Variants in SUPT3H observed in about 807,000 individuals in gnomAD.
The protein encoded by SUPT3H is transcription initiation protein SPT3 homolog.
A neutral mutation model predicts 44.3 loss-of-function variants in SUPT3H; 44 were observed. That is an observed-to-expected ratio of 0.99 (90% confidence interval 0.78 to 1.28). The LOEUF (loss-of-function observed/expected upper bound fraction) is 1.28. SUPT3H is among the 50% of genes most tolerant of loss of function. SUPT3H has a pLI of 0.00. For missense variants in SUPT3H, 380 were observed against 387.1 expected, an observed-to-expected ratio of 0.98 and a Z score of 0.15; for synonymous variants, 124 against 125.6, an observed-to-expected ratio of 0.99 and a Z score of 0.09.
intron 2 of SUPT3H, among the ~76,000 whole-genome samples, chr6:45,358,829 T>TA (rs1793720796): frequency 6.6e-6 from 1 of 151,972 alleles, no homozygotes; most frequent in African/African-American, 2.4e-5. Context: ...ACTCTAAAAA[T>TA]AAAAAAAGAC....
chr6:44,990,253 G>T (rs1780427893), intron 6 of SUPT3H, among the ~76,000 whole-genome samples: 1 of 151,608 alleles, frequency 6.6e-6, no homozygotes, highest in Admixed American at 6.6e-5. Flanking sequence ...TTTCCCCATT[G>T]TGCATTCTTG....
At chr6:44,871,179 T>C (rs928128287) in intron 10 of SUPT3H, among the ~76,000 whole-genome samples, 7 of 149,360 alleles carry the variant, frequency 4.7e-5, no homozygotes, top group African/African-American at 1.5e-4. Flanking sequence ...CTATGTAGGC[T>C]CCACCTCTGG....
intron 7 of SUPT3H, among the ~76,000 whole-genome samples, chr6:44,956,204 G>C (rs1330239920): frequency 2.0e-5 from 3 of 151,344 alleles, no homozygotes; most frequent in Non-Finnish European, 4.4e-5. Flanking sequence ...AAGTGTCTAG[G>C]TCGGGCGCGG....
intron 2 of SUPT3H, among the ~76,000 whole-genome samples, chr6:45,176,723 G>T (rs1443760738): frequency 6.6e-6 from 1 of 152,204 alleles, no homozygotes; most frequent in Non-Finnish European, 1.5e-5. Context: ...CCCAGCTGGA[G>T]ATCTGAGAAC....
chr6:44,889,165 C>A (rs901374826), intron 10 of SUPT3H, among the ~76,000 whole-genome samples: 6 of 152,062 alleles, frequency 3.9e-5, no homozygotes, highest in African/African-American at 1.4e-4. Context: ...TAGGAAGAAT[C>A]AATATTGTGA....
intron 9 of SUPT3H, among the ~76,000 whole-genome samples, chr6:44,944,593 T>C (rs973673016): frequency 2.7e-5 from 4 of 149,782 alleles, no homozygotes; most frequent in Non-Finnish European, 5.9e-5. Context: ...ACCCTGTCTC[T>C]ACAAAAAAAA....
intron 3 of SUPT3H, among the ~76,000 whole-genome samples, chr6:45,029,552 T>C (rs1183972673): frequency 1.3e-5 from 2 of 151,982 alleles, no homozygotes; most frequent in Non-Finnish European, 2.9e-5. Context: ...AATGTGAAAT[T>C]AGGAGAACAA....
At chr6:45,362,054 A>AAACAACAAC (rs375160471) in intron 2 of SUPT3H, among the ~76,000 whole-genome samples, 1 of 151,938 alleles carries the variant, frequency 6.6e-6, no homozygotes, top group Admixed American at 6.6e-5. Flanking sequence ...TTCCTCTCAA[A>AAACAACAAC]AACAACAACA....
chr6:45,209,759 T>C (rs1763785625), intron 2 of SUPT3H, among the ~76,000 whole-genome samples: 2 of 152,228 alleles, frequency 1.3e-5, no homozygotes, highest in African/African-American at 2.4e-5. Context: ...TGAGAGAAGT[T>C]CTGCTGTGGG....
At chr6:44,909,507 C>G (rs1020154063) in intron 10 of SUPT3H, among the ~76,000 whole-genome samples, 1 of 152,156 alleles carries the variant, frequency 6.6e-6, no homozygotes, top group African/African-American at 2.4e-5. Context: ...CACACTTATC[C>G]TATAAAATGC....
intron 6 of SUPT3H, among the ~76,000 whole-genome samples, chr6:44,979,233 A>G (rs1778761697): frequency 6.6e-6 from 1 of 152,188 alleles, no homozygotes; most frequent in Non-Finnish European, 1.5e-5. Context: ...AAGTCGCAGA[A>G]CGAATATTTT....
chr6:44,909,384 T>C lies in SUPT3H; in HGVS notation c.912+23269A>G, dbSNP rs538560139. ...TACTTTTCAAGAAATTTCCTGGCTCTTCTTATATATTTCATTTTCTATATG... is the reference window on the plus strand; with the variant it reads ...TACTTTTCAAGAAATTTCCTGGCTCCTCTTATATATTTCATTTTCTATATG... On this transcript the variant is annotated intron_variant, in intron 10 of 10. Coordinates refer to ENST00000371459, the MANE Select transcript of SUPT3H (RefSeq NM_003599.4). 9.3e-4 allele frequency among the ~76,000 whole-genome samples: 141 copies of C among 152,276 alleles called. No individual in the cohort carries two copies. In the Middle Eastern group the frequency reaches 0.01, roughly 11 times the overall value.
At chr6:45,106,735 C>T (rs529790288) in intron 2 of SUPT3H, among the ~76,000 whole-genome samples, 122 of 152,198 alleles carry the variant, frequency 8.0e-4, no homozygotes, top group Non-Finnish European at 1.4e-3. Flanking sequence ...AGGGTTTCAC[C>T]ATGTTAGCCA....
At chr6:45,328,492 A>T (rs377010342) in intron 2 of SUPT3H, 47 of 1,515,354 alleles carry the variant, frequency 3.1e-5, no homozygotes, top group Non-Finnish European at 3.9e-5. Context: ...TCTATGCAGT[A>T]ATAGTAGGTC....
chr6:45,284,307 T>TG (rs1446177916), intron 2 of SUPT3H, among the ~76,000 whole-genome samples: 2 of 147,932 alleles, frequency 1.4e-5, no homozygotes, highest in Non-Finnish European at 3.0e-5. Flanking sequence ...ATCCAGGAGC[T>TG]GGTTTTTTTT....
At chr6:44,888,583 T>C (rs148629943) in intron 10 of SUPT3H, among the ~76,000 whole-genome samples, 3 of 152,088 alleles carry the variant, frequency 2.0e-5, no homozygotes, top group Non-Finnish European at 1.5e-5. Flanking sequence ...TGCTAAAAAC[T>C]CTCAATAAAT....
At chr6:44,933,150 T>C (rs566584833) in intron 9 of SUPT3H, among the ~76,000 whole-genome samples, 5 of 152,308 alleles carry the variant, frequency 3.3e-5, no homozygotes, top group Middle Eastern at 3.4e-3. Context: ...AGGAGCTTCT[T>C]TGGCACATTT....
In SUPT3H at chr6:45,050,508, GGAAA is replaced by G. The variant is rs560761403; in HGVS notation, c.187-29880_187-29877del. ...AGGAAATTTTCATGGGGGCGGGCAG[GGAAA>G]GAGAGGGAGGCACAATAATCATTTG... is the stretch of plus-strand genomic sequence containing the variant. On this transcript the variant is annotated intron_variant, in intron 3 of 10. Coordinates refer to ENST00000371459, the MANE Select transcript of SUPT3H (RefSeq NM_003599.4). Among the ~76,000 whole-genome samples, 1,126 of 151,966 alleles carry G rather than the reference GGAAA, an allele frequency of 7.4e-3. 9 individuals carry two copies. The highest frequency in any genetic ancestry group is 0.011 in the Non-Finnish European group (740 of 67,952).
intron 11 of SUPT3H, among the ~76,000 whole-genome samples, chr6:44,821,241 G>A (rs1767291938): frequency 1.3e-5 from 2 of 152,098 alleles, no homozygotes; most frequent in South Asian, 2.1e-4. Flanking sequence ...TCTAAACACC[G>A]AGTACTCATG....
Sources: gnomAD v4.1 joint callset for allele counts (sites outside exome capture counted in the v4.1 genomes callset) on GRCh38, gnomAD v4.1.1 for gene constraint, MANE v1.5 for transcripts, NCBI Gene and HGNC (gene_info 2026-07-23, HGNC 2026-07-21) for gene names.